TAFA5: variants seen among roughly 807,000 people sequenced by gnomAD.
TAFA5 encodes TAFA chemokine like family member 5, also known as chemokine-like protein TAFA-5.
Under a neutral mutation model 15.3 loss-of-function variants are expected in TAFA5, and 6 were observed. The ratio of observed to expected loss-of-function variants is 0.39; its 90% CI spans 0.21 to 0.77. The LOEUF (loss-of-function observed/expected upper bound fraction) is 0.77. TAFA5 is among the 30% of genes least tolerant of loss of function. TAFA5 has a pLI of 0.41. For synonymous variants in TAFA5, 103 were observed against 80.7 expected, an observed-to-expected ratio of 1.28 and a Z score of -1.48; for missense variants, 161 against 193.1, an observed-to-expected ratio of 0.83 and a Z score of 0.98.
intron 3 of TAFA5, among the ~76,000 whole-genome samples, chr22:48,735,748 C>A (rs1002445232): frequency 6.6e-6 from 1 of 151,358 alleles, no homozygotes; most frequent in Non-Finnish European, 1.5e-5. Context: ...GTCCATCCCC[C>A]GAGGAGGAAT....
At chr22:48,553,845 C>T (rs985045719) in intron 1 of TAFA5, among the ~76,000 whole-genome samples, 61 of 152,150 alleles carry the variant, frequency 4.0e-4, no homozygotes, top group African/African-American at 1.3e-3. Flanking sequence ...GGAATCCAAC[C>T]GAGAACTTGA....
At position 48,638,558 on chromosome 22, in the gene TAFA5, C is replaced by T. The variant is rs71314867; in HGVS notation, c.113-8039C>T. Among the ~76,000 whole-genome samples, 44 of 115,236 alleles carry T rather than the reference C, an allele frequency of 3.8e-4. 2 individuals carry two copies. The East Asian group carries it at 0.013, about 34-fold the overall frequency. 75.6% of individuals were successfully genotyped at this position (115,236 alleles called of 152,430 possible). A position where few individuals can be genotyped will look rare whatever the true frequency, so the allele number is the denominator to read the frequency against. ...TAAGCCCTGGGACACCACACACAGG[C>T]GGGACCCCGACACTAAGCCCTGGGT... On this transcript the variant is annotated intron_variant, in intron 1 of 3. Transcript: ENST00000402357.
chr22:48,538,009 C>T (rs943937411), intron 1 of TAFA5, among the ~76,000 whole-genome samples: 4 of 152,230 alleles, frequency 2.6e-5, no homozygotes, highest in Non-Finnish European at 5.9e-5. Flanking sequence ...CACCAGCGCA[C>T]GGTCAGCTCC....
intron 1 of TAFA5, among the ~76,000 whole-genome samples, chr22:48,617,467 C>T (rs997725367): frequency 2.6e-5 from 4 of 152,162 alleles, no homozygotes; most frequent in Non-Finnish European, 4.4e-5. Flanking sequence ...TGGTTTGAGG[C>T]CATTCGTTAC....
At chr22:48,606,623 T>C (rs1272287845) in intron 1 of TAFA5, among the ~76,000 whole-genome samples, 1 of 152,252 alleles carries the variant, frequency 6.6e-6, no homozygotes, top group East Asian at 1.9e-4. Context: ...ATGTTTACTT[T>C]CATATGCAAA....
At chr22:48,570,093 C>T (rs191642908) in intron 1 of TAFA5, among the ~76,000 whole-genome samples, 5 of 152,340 alleles carry the variant, frequency 3.3e-5, no homozygotes, top group Admixed American at 3.3e-4. Context: ...CAGGGCCCTC[C>T]CATGCTGCAT....
chr22:48,637,081 TGCAGGTGA>T lies in TAFA5; in HGVS notation c.113-9511_113-9504del, dbSNP rs140020118. Among the ~76,000 whole-genome samples, 731 of 152,278 alleles carry T rather than the reference TGCAGGTGA, an allele frequency of 4.8e-3. 6 individuals carry two copies. Among genetic ancestry groups the T allele is most frequent in the African/African-American group, 0.017 (690 of 41,564 alleles). The stretch of plus-strand genomic sequence containing the variant: ...TCTGGGAGAGTGGAAGGGAGGTGTC[TGCAGGTGA>T]GCAGCCTTTCCGAGTCACTGGCTCT... On this transcript the variant is annotated intron_variant, in intron 1 of 3. Transcript: ENST00000402357.
chr22:48,654,337 A>G (rs575131705), intron 2 of TAFA5, among the ~76,000 whole-genome samples: 1 of 152,284 alleles, frequency 6.6e-6, no homozygotes, highest in South Asian at 2.1e-4. Flanking sequence ...GAACTCTTGA[A>G]GCCTGCCCGT....
chr22:48,653,310 G>A (rs1474036600), intron 2 of TAFA5, among the ~76,000 whole-genome samples: 1 of 152,218 alleles, frequency 6.6e-6, no homozygotes. Flanking sequence ...TGGTTTGTGA[G>A]GAAGATGGTG....
chr22:48,645,189 G>A (rs1200878173), intron 1 of TAFA5, among the ~76,000 whole-genome samples: 9 of 152,192 alleles, frequency 5.9e-5, no homozygotes, highest in Non-Finnish European at 1.2e-4. Flanking sequence ...GGCACTCACC[G>A]TTCAGGGCAG....
At chr22:48,638,679 C>A (rs1360466244) in intron 1 of TAFA5, among the ~76,000 whole-genome samples, 1 of 138,884 alleles carries the variant, frequency 7.2e-6, no homozygotes, top group South Asian at 2.4e-4. Flanking sequence ...ACAGGCAATA[C>A]CACCCCCCTG....
At chr22:48,726,649 G>A (rs1055897074) in intron 3 of TAFA5, among the ~76,000 whole-genome samples, 49 of 151,464 alleles carry the variant, frequency 3.2e-4, no homozygotes, top group African/African-American at 1.2e-3. Flanking sequence ...GTGGTGGTGG[G>A]CTGGACAGGT....
chr22:48,662,862 C>T (rs1927492902), intron 2 of TAFA5, among the ~76,000 whole-genome samples: 1 of 152,206 alleles, frequency 6.6e-6, no homozygotes, highest in Admixed American at 6.5e-5. Flanking sequence ...TGGTGGCCTC[C>T]CCCAATCCTT....
chr22:48,718,052 G>A (rs982950513), intron 3 of TAFA5, among the ~76,000 whole-genome samples: 3 of 152,322 alleles, frequency 2.0e-5, no homozygotes, highest in Middle Eastern at 3.4e-3. Context: ...TGTGGAGCTC[G>A]TGGCCTTGCA....
intron 1 of TAFA5, among the ~76,000 whole-genome samples, chr22:48,491,023 C>T (rs1195687884): frequency 1.3e-5 from 2 of 152,180 alleles, no homozygotes; most frequent in Non-Finnish European, 2.9e-5. Flanking sequence ...TGCTTCAGCG[C>T]GGTTATGCAT....
At chr22:48,614,769 G>A (rs1038866212) in intron 1 of TAFA5, among the ~76,000 whole-genome samples, 1 of 152,194 alleles carries the variant, frequency 6.6e-6, no homozygotes, top group Non-Finnish European at 1.5e-5. Flanking sequence ...CGAGAGCTTC[G>A]TTCACACCTT....
In TAFA5 at chr22:48,592,654, C is replaced by CCTCCCTCCCTCA. The variant is rs1924614037; in HGVS notation, c.113-53934_113-53923dup. Among the ~76,000 whole-genome samples the CCTCCCTCCCTCA allele has an allele frequency of 2.6e-5, 4 of 152,132 alleles. No individual in the cohort carries two copies. The East Asian group carries it at 7.8e-4, about 29-fold the overall frequency. On this transcript the variant is annotated intron_variant, in intron 1 of 3. Coordinates refer to ENST00000402357, the MANE Select transcript of TAFA5 (RefSeq NM_001082967.3). ...CCGGTATCTGCTGCCTCCCTCCCTC[C>CCTCCCTCCCTCA]CTCCCTCCCTCACTCCCTCCTCTCA...
intron 1 of TAFA5, among the ~76,000 whole-genome samples, chr22:48,604,575 T>A (rs1356390610): frequency 1.3e-5 from 2 of 152,222 alleles, no homozygotes; most frequent in Non-Finnish European, 2.9e-5. Context: ...CTCTGATCCC[T>A]CCACTCACTG....
At position 48,686,356 on chromosome 22, in the gene TAFA5, C is replaced by G. The variant is rs141594451; in HGVS notation, c.263-21361C>G. Among the ~76,000 whole-genome samples, 229 of 152,320 alleles carry G rather than the reference C, an allele frequency of 1.5e-3. 1 individual carries two copies. Among genetic ancestry groups the G allele is most frequent in the Middle Eastern group, 3.4e-3 (1 of 294 alleles). On this transcript the variant is annotated intron_variant, in intron 2 of 3. Transcript: ENST00000402357. ...GTAGGGTCGGGTTCTGGTGAGCACT[C>G]TCTTCTGGTTTGCAGACAACTGTCT... is the stretch of plus-strand genomic sequence containing the variant.
Sources: gnomAD v4.1 joint callset for allele counts (sites outside exome capture counted in the v4.1 genomes callset) on GRCh38, gnomAD v4.1.1 for gene constraint, MANE v1.5 for transcripts, NCBI Gene and HGNC (gene_info 2026-07-23, HGNC 2026-07-21) for gene names.